Variants in OSBPL9 observed in about 807,000 individuals in gnomAD.
The protein encoded by OSBPL9 is oxysterol-binding protein-related protein 9.
In OSBPL9, 40 loss-of-function variants were observed where a neutral mutation model predicts 106.6. That is an observed-to-expected ratio of 0.38 (90% CI 0.29 to 0.49). The LOEUF (loss-of-function observed/expected upper bound fraction) is 0.49, where lower values mean the gene tolerates loss of function less well. Among genes scored for constraint, OSBPL9 ranks in the 20% least tolerant of loss-of-function variants. OSBPL9 has a pLI of 0.97. For missense variants in OSBPL9, 609 were observed against 887.2 expected (o/e 0.69, Z 3.98); for synonymous variants, 269 against 295.4 (o/e 0.91, Z 0.92).
chr1:51,649,472 T>G (rs1646372627), intron 1 of OSBPL9, among the ~76,000 whole-genome samples: 1 of 152,212 alleles, frequency 6.6e-6, no homozygotes, highest in Admixed American at 6.5e-5. Flanking sequence ...TCTACTCTCC[T>G]ATGAATAGGA....
chr1:51,776,760 C>CTTTTT, intron 14 of OSBPL9, 73 bp from the exon 15 acceptor site: 1 of 802,872 alleles, frequency 1.2e-6, no homozygotes, highest in Non-Finnish European at 1.9e-6. Context: ...GTTTTGTTTT[C>CTTTTT]TTTTTTTTTT....
At chr1:51,711,339 AC>A (rs1306936856) in intron 3 of OSBPL9, among the ~76,000 whole-genome samples, 5 of 141,064 alleles carry the variant, frequency 3.5e-5, no homozygotes, top group African/African-American at 1.1e-4. Context: ...CAGGGGGCTG[AC>A]CCCCCCACCT....
At chr1:51,620,418 A>G (rs144841740) in intron 1 of OSBPL9, among the ~76,000 whole-genome samples, 25 of 152,246 alleles carry the variant, frequency 1.6e-4, no homozygotes, top group African/African-American at 4.3e-4. Flanking sequence ...CATGGTACCT[A>G]TAATATGTTG....
Position 51,757,148 on chromosome 1 carries a change from TCTC to T in OSBPL9, c.582+793_582+795del, listed in dbSNP as rs753643867. The stretch of plus-strand genomic sequence containing the variant: ...AACATTCTGTAAATTTTCAAAAACA[TCTC>T]CTGATTGTACTTGAAAGGATGAGCA... On this transcript the variant is annotated intron_variant, in intron 9 of 23. Coordinates refer to ENST00000428468, the MANE Select transcript of OSBPL9 (RefSeq NM_024586.6). 2.6e-5 allele frequency among the ~76,000 whole-genome samples: 4 copies of T among 152,120 alleles called. No individual in the cohort carries two copies. The East Asian group carries it at 5.8e-4, about 22-fold the overall frequency.
upstream of OSBPL9, among the ~76,000 whole-genome samples, chr1:51,575,777 C>G (rs2148596992): frequency 6.6e-6 from 1 of 152,324 alleles, no homozygotes; most frequent in Non-Finnish European, 1.5e-5. Flanking sequence ...TCACTCTGAC[C>G]TTCATTCTGT....
intron 4 of OSBPL9, among the ~76,000 whole-genome samples, chr1:51,727,131 C>CTTT (rs34741660): frequency 3.1e-4 from 33 of 107,282 alleles, no homozygotes; most frequent in African/African-American, 5.3e-4. Context: ...GAGATGTAGG[C>CTTT]TTTTTTTTTT....
At chr1:51,671,717 T>A (rs1489601653) in intron 3 of OSBPL9, among the ~76,000 whole-genome samples, 1 of 150,592 alleles carries the variant, frequency 6.6e-6, no homozygotes, top group African/African-American at 2.4e-5. Flanking sequence ...GAAATAGAGG[T>A]GAGGTTGCAG....
intron 12 of OSBPL9, among the ~76,000 whole-genome samples, chr1:51,767,404 A>C (rs1350216899): frequency 6.6e-6 from 1 of 152,056 alleles, no homozygotes; most frequent in Non-Finnish European, 1.5e-5. Context: ...AAAAAAAAAA[A>C]AAAAAGAAGT....
At chr1:51,580,119 T>C (rs560339584) in intron 1 of OSBPL9, among the ~76,000 whole-genome samples, 7 of 152,338 alleles carry the variant, frequency 4.6e-5, no homozygotes, top group Non-Finnish European at 8.8e-5. Context: ...CTTTTCTTTC[T>C]TTCTGCCTGC....
At position 51,626,303 on chromosome 1, in the gene OSBPL9, C is replaced by T. The variant is rs116068366; in HGVS notation, c.111+9082C>T. 2.6e-3 allele frequency among the ~76,000 whole-genome samples: 397 copies of T among 152,234 alleles called. 1 individual carries two copies. The highest frequency in any genetic ancestry group is 9.1e-3 in the African/African-American group (376 of 41,540). ...TTTCCCTATCATAGAAGAGGTAATC[C>T]TGTGTTCTGGATTCCATTTGCTCAC... On this transcript the variant is annotated intron_variant, in intron 1 of 23. Transcript: ENST00000428468.
chr1:51,772,514 T>A lies in OSBPL9; in HGVS notation c.1052-91T>A, dbSNP rs944060141. ...CTGGGCGAAAGAATGAGACTCCATCTCAAACAAACAAACAAACAAAATTGT... is the reference window on the plus strand; with the variant it reads ...CTGGGCGAAAGAATGAGACTCCATCACAAACAAACAAACAAACAAAATTGT... On this transcript the variant is annotated intron_variant, in intron 13 of 23. Transcript: ENST00000428468. 6.4e-6 allele frequency: 7 copies of A among 1,090,326 alleles called. No homozygotes were observed. In the African/African-American group the frequency reaches 7.7e-5, roughly 12 times the overall value. 67.5% of individuals were successfully genotyped at this position (1,090,326 alleles called of 1,614,324 possible). A position where few individuals can be genotyped will look rare whatever the true frequency, so the allele number is the denominator to read the frequency against.
At chr1:51,519,076 C>A in the OSBPL9 span, 2 of 600,962 alleles carry the variant, frequency 3.3e-6, no homozygotes, top group Non-Finnish European at 5.2e-6. Flanking sequence ...ACACACCGGC[C>A]GCCCGGCCCA....
chr1:51,596,542 A>C (rs1304744336), intron 1 of OSBPL9, among the ~76,000 whole-genome samples: 1 of 123,646 alleles, frequency 8.1e-6, no homozygotes, highest in African/African-American at 3.2e-5. Context: ...CTAGGCGAGA[A>C]GAGTGAAACT....
At chr1:51,592,429 A>G (rs1645281711) in intron 1 of OSBPL9, among the ~76,000 whole-genome samples, 1 of 152,050 alleles carries the variant, frequency 6.6e-6, no homozygotes, top group Non-Finnish European at 1.5e-5. Flanking sequence ...CTAAGTCTTA[A>G]TGTAGGAAGA....
intron 4 of OSBPL9, among the ~76,000 whole-genome samples, chr1:51,727,307 T>TC (rs1360496544): frequency 6.6e-6 from 1 of 152,186 alleles, no homozygotes; most frequent in South Asian, 2.1e-4. Flanking sequence ...ATGTTTTTTT[T>TC]CCCCTCCACC....
intron 17 of OSBPL9, 145 bp from the exon 18 acceptor site, chr1:51,783,770 G>T: frequency 1.6e-6 from 1 of 627,130 alleles, no homozygotes; most frequent in South Asian, 1.9e-5. Flanking sequence ...GGGTATAAAA[G>T]GCAGGTAGGT....
chr1:51,617,011 C>G, upstream of OSBPL9: 1 of 1,507,546 alleles, frequency 6.6e-7, no homozygotes, highest in African/African-American at 1.4e-5. Flanking sequence ...CCAGGACCCG[C>G]CCAGGACCCG....
At chr1:51,616,673 T>C (rs1316530396), upstream of OSBPL9, among the ~76,000 whole-genome samples, 1 of 152,202 alleles carries the variant, frequency 6.6e-6, no homozygotes, top group East Asian at 1.9e-4. Flanking sequence ...TCACCTGTCA[T>C]GAAGGCTCTG....
intron 1 of OSBPL9, among the ~76,000 whole-genome samples, chr1:51,643,496 A>G (rs1645939667): frequency 6.6e-6 from 1 of 152,084 alleles, no homozygotes; most frequent in African/African-American, 2.4e-5. Context: ...CAAGAAAGTG[A>G]TTGGCTGGTT....
Sources: allele counts gnomAD v4.1 joint callset (sites outside exome capture counted in the v4.1 genomes callset), GRCh38; gene constraint gnomAD v4.1.1; transcripts MANE v1.5; gene names NCBI Gene and HGNC (gene_info 2026-07-23, HGNC 2026-07-21).